RBPMS2: variants seen among roughly 807,000 people sequenced by gnomAD.
RBPMS2 encodes the protein RNA-binding protein with multiple splicing 2.
In RBPMS2, 14 loss-of-function variants were observed where a neutral mutation model predicts 25.7. That is an observed-to-expected ratio of 0.55 (90% CI 0.36 to 0.85). RBPMS2 has a LOEUF of 0.85. Among genes scored for constraint, RBPMS2 ranks in the 40% least tolerant of loss-of-function variants. The pLI is 0.01. For missense variants in RBPMS2, 252 were observed against 283.4 expected, an observed-to-expected ratio of 0.89 and a Z score of 0.80; for synonymous variants, 127 against 115.6, an observed-to-expected ratio of 1.10 and a Z score of -0.63.
chr15:64,748,357 A>G, intron 6 of RBPMS2, 62 bp downstream of exon 6: 2 of 1,553,480 alleles, frequency 1.3e-6, no homozygotes, highest in Non-Finnish European at 8.8e-7. Flanking sequence ...GGCCAGGCAC[A>G]TGCAAAGTCT....
chr15:64,751,488 GAC>G, intron 2 of RBPMS2, 71 bp downstream of exon 2: 1 of 1,335,302 alleles, frequency 7.5e-7, no homozygotes, highest in Non-Finnish European at 1.1e-6. Context: ...TGCCCTGCCC[GAC>G]CCGAGATTCA....
rs1013001895 is a variant in RBPMS2 at position 64,773,294 on chromosome 15, C to G, written c.87+1939G>C. 2.6e-5 allele frequency among the ~76,000 whole-genome samples: 4 copies of G among 152,216 alleles called. No individual in the cohort carries two copies. The East Asian group carries it at 7.7e-4, about 29-fold the overall frequency. ...GCCACCAGCACAGGGGCTCATGGCC[C>G]ACTATTCAGAAGACTAGGCCAGGGC... On this transcript the variant is annotated intron_variant, in intron 1 of 7. Coordinates refer to ENST00000300069, the MANE Select transcript of RBPMS2 (RefSeq NM_194272.3).
chr15:64,766,830 G>GT, intron 1 of RBPMS2, among the ~76,000 whole-genome samples: 1 of 152,094 alleles, frequency 6.6e-6, no homozygotes, highest in South Asian at 2.1e-4. Flanking sequence ...TGCCTGGCCT[G>GT]TTTTTGTTTT....
intron 1 of RBPMS2, among the ~76,000 whole-genome samples, chr15:64,770,456 G>A (rs1243025549): frequency 3.3e-5 from 5 of 152,138 alleles, no homozygotes; most frequent in African/African-American, 1.2e-4. Flanking sequence ...ATATAACAAT[G>A]CCTGGCATAA....
At chr15:64,764,051 C>G (rs1166774788) in intron 1 of RBPMS2, among the ~76,000 whole-genome samples, 5 of 152,188 alleles carry the variant, frequency 3.3e-5, no homozygotes, top group Non-Finnish European at 7.4e-5. Context: ...CTTGCAAACT[C>G]TGTGTCAGGG....
At chr15:64,772,869 G>T (rs548791679) in intron 1 of RBPMS2, among the ~76,000 whole-genome samples, 44 of 152,084 alleles carry the variant, frequency 2.9e-4, no homozygotes, top group African/African-American at 1.0e-3. Flanking sequence ...TTAACCCCTG[G>T]GTCCAGAAAG....
At chr15:64,745,996 ATTCAC>A (rs1356304647) in intron 6 of RBPMS2, among the ~76,000 whole-genome samples, 2 of 152,168 alleles carry the variant, frequency 1.3e-5, no homozygotes, top group African/African-American at 4.8e-5. Context: ...GTTCAAAACA[ATTCAC>A]TTAAGATCAA....
chr15:64,747,614 C>G (rs2083630311), intron 6 of RBPMS2, among the ~76,000 whole-genome samples: 1 of 152,160 alleles, frequency 6.6e-6, no homozygotes, highest in Non-Finnish European at 1.5e-5. Context: ...CCCCACTGCT[C>G]CCCGACACAC....
chr15:64,765,226 CAAAAAAAAAAAAA>C (rs34231406), intron 1 of RBPMS2, among the ~76,000 whole-genome samples: 4 of 50,902 alleles, frequency 7.9e-5, no homozygotes, highest in Admixed American at 3.6e-4. Flanking sequence ...GACTCTGTCT[CAAAAAAAAAAAAA>C]AAAAAAAAAA....
chr15:64,773,424 CCTTTTCCAAGTG>C (rs1011752541), intron 1 of RBPMS2, among the ~76,000 whole-genome samples: 2 of 152,190 alleles, frequency 1.3e-5, no homozygotes, highest in African/African-American at 4.8e-5. Context: ...CCCACCATGC[CCTTTTCCAAGTG>C]CGCGGATTTG....
intron 1 of RBPMS2, among the ~76,000 whole-genome samples, chr15:64,757,335 C>T (rs1381720809): frequency 6.6e-6 from 1 of 152,088 alleles, no homozygotes; most frequent in East Asian, 1.9e-4. Context: ...ACCTTACTCT[C>T]CCCATTACTT....
At chr15:64,757,157 C>T (rs971299377) in intron 1 of RBPMS2, among the ~76,000 whole-genome samples, 88 of 151,792 alleles carry the variant, frequency 5.8e-4, no homozygotes, top group Admixed American at 1.6e-3. Flanking sequence ...ATTTTTGTAG[C>T]GATGAGGTCT....
chr15:64,757,858 C>T (rs2083748769), intron 1 of RBPMS2, among the ~76,000 whole-genome samples: 1 of 152,124 alleles, frequency 6.6e-6, no homozygotes, highest in Non-Finnish European at 1.5e-5. Flanking sequence ...CACCTGAAGT[C>T]TGAGCAACTC....
intron 6 of RBPMS2, among the ~76,000 whole-genome samples, chr15:64,746,964 G>A (rs957600901): frequency 4.6e-5 from 7 of 152,186 alleles, no homozygotes; most frequent in African/African-American, 1.7e-4. Flanking sequence ...TCAAGTCACT[G>A]CCCAGGTCAG....
chr15:64,749,530 C>A, intron 3 of RBPMS2, 37 bp from the exon 4 acceptor site: 1 of 1,527,488 alleles, frequency 6.5e-7, no homozygotes. Context: ...TATATCTCTC[C>A]TAGCATTCCA....
chr15:64,743,670 C>A (rs1387877320), intron 6 of RBPMS2, among the ~76,000 whole-genome samples: 3 of 152,188 alleles, frequency 2.0e-5, no homozygotes, highest in Admixed American at 1.3e-4. Context: ...GAGTACCCCC[C>A]ACAGGCTATA....
chr15:64,775,154 C>T, intron 1 of RBPMS2, 79 bp downstream of exon 1: 1 of 795,890 alleles, frequency 1.3e-6, no homozygotes, highest in Non-Finnish European at 1.6e-6. Flanking sequence ...CCCCGCGAGG[C>T]GCGGCAGGCC....
At position 64,770,984 on chromosome 15, in the gene RBPMS2, G is replaced by C. The variant is rs1028423395; in HGVS notation, c.87+4249C>G. On this transcript the variant is annotated intron_variant, in intron 1 of 7. Coordinates refer to ENST00000300069, the MANE Select transcript of RBPMS2 (RefSeq NM_194272.3). ...CACACTGGGATGAGGTGGAAGGGCAGGGAAGGGCAAAGCCCCTCAGGTCAA... is the reference window on the plus strand; with the variant it reads ...CACACTGGGATGAGGTGGAAGGGCACGGAAGGGCAAAGCCCCTCAGGTCAA... Among the ~76,000 whole-genome samples the C allele has an allele frequency of 3.3e-5, 5 of 152,296 alleles. No individual in the cohort carries two copies. In the South Asian group the frequency reaches 1.0e-3, roughly 32 times the overall value.
At chr15:64,742,537 T>C (rs1403871287) in intron 6 of RBPMS2, among the ~76,000 whole-genome samples, 2 of 152,218 alleles carry the variant, frequency 1.3e-5, no homozygotes. Flanking sequence ...AAGGCAAGTA[T>C]GCTGACTGCC....
Sources: gnomAD v4.1 joint callset for allele counts (sites outside exome capture counted in the v4.1 genomes callset) on GRCh38, gnomAD v4.1.1 for gene constraint, MANE v1.5 for transcripts, NCBI Gene and HGNC (gene_info 2026-07-23, HGNC 2026-07-21) for gene names.